Variants in CFAP61 observed in about 807,000 individuals in gnomAD.
CFAP61 encodes cilia and flagella associated protein 61.
CFAP61 carries 107 observed loss-of-function variants against 135.6 expected under a neutral mutation model. The ratio of observed to expected loss-of-function variants is 0.79; its 90% confidence interval spans 0.67 to 0.93. The LOEUF is 0.93. Among genes scored for constraint, CFAP61 ranks in the 40% least tolerant of loss-of-function variants. The probability of loss-of-function intolerance (pLI) is 0.00; values close to 1 mark genes in which losing one functional copy is unlikely to be tolerated. For missense variants in CFAP61, 1,507 were observed against 1,556.2 expected (o/e 0.97, Z 0.53); for synonymous variants, 575 against 578.5 (o/e 0.99, Z 0.09).
At chr20:20,170,839 GAAA>G (rs1343513358) in intron 13 of CFAP61, among the ~76,000 whole-genome samples, 1 of 152,208 alleles carries the variant, frequency 6.6e-6, no homozygotes, top group Non-Finnish European at 1.5e-5. Flanking sequence ...AGGATGGTGA[GAAA>G]AGCAGTCAAA....
At chr20:20,105,662 C>T (rs992192196) in intron 8 of CFAP61, among the ~76,000 whole-genome samples, 13 of 115,418 alleles carry the variant, frequency 1.1e-4, no homozygotes, top group Non-Finnish European at 1.9e-4. Context: ...GACGGAGTCT[C>T]GCTCTGTCGC....
intron 26 of CFAP61, among the ~76,000 whole-genome samples, chr20:20,345,656 C>T (rs1602119198): frequency 6.6e-6 from 1 of 152,090 alleles, no homozygotes; most frequent in African/African-American, 2.4e-5. Flanking sequence ...TGCAGTGGCT[C>T]ATGCTTGTAA....
chr20:20,193,806 G>T (rs912130234), intron 15 of CFAP61, among the ~76,000 whole-genome samples: 1 of 152,164 alleles, frequency 6.6e-6, no homozygotes, highest in East Asian at 1.9e-4. Flanking sequence ...TAGAGATGGG[G>T]TTTCACCATG....
At chr20:20,227,846 G>A (rs1026019558) in intron 17 of CFAP61, among the ~76,000 whole-genome samples, 1 of 152,182 alleles carries the variant, frequency 6.6e-6, no homozygotes, top group Non-Finnish European at 1.5e-5. Context: ...GTCACTCAAG[G>A]TTTCAGGGAA....
chr20:20,269,134 T>TACACACACACACACACAC (rs1443719059), intron 21 of CFAP61, among the ~76,000 whole-genome samples: 3 of 81,166 alleles, frequency 3.7e-5, no homozygotes, highest in African/African-American at 1.3e-4. Context: ...TATATATATA[T>TACACACACACACACACAC]ATATATATAT....
intron 7 of CFAP61, among the ~76,000 whole-genome samples, chr20:20,095,900 T>G (rs1267812429): frequency 1.3e-5 from 2 of 152,062 alleles, no homozygotes; most frequent in Non-Finnish European, 2.9e-5. Flanking sequence ...AATGAGAAAA[T>G]ACACACGTTT....
intron 9 of CFAP61, among the ~76,000 whole-genome samples, chr20:20,152,034 A>G (rs185415789): frequency 2.5e-4 from 38 of 152,242 alleles, no homozygotes; most frequent in African/African-American, 8.9e-4. Flanking sequence ...CAGAAACACT[A>G]CAAGCCAGAA....
chr20:20,141,242 C>T (rs899666762), intron 8 of CFAP61, among the ~76,000 whole-genome samples: 7 of 152,018 alleles, frequency 4.6e-5, no homozygotes, highest in Non-Finnish European at 7.4e-5. Context: ...TTTTTATAGG[C>T]GTTGGTTGTT....
intron 21 of CFAP61, among the ~76,000 whole-genome samples, chr20:20,273,701 G>A (rs1256339968): frequency 6.6e-6 from 1 of 152,226 alleles, no homozygotes; most frequent in African/African-American, 2.4e-5. Flanking sequence ...ATGATGGGTA[G>A]GGCAAACATG....
chr20:20,258,576 C>G (rs770311421), intron 20 of CFAP61: 1 of 152,070 alleles, frequency 6.6e-6, no homozygotes, highest in African/African-American at 2.4e-5. Context: ...ATATGGAGAG[C>G]GAAATTAGTC....
At chr20:20,233,451 C>A (rs1836719442) in intron 18 of CFAP61, among the ~76,000 whole-genome samples, 1 of 152,170 alleles carries the variant, frequency 6.6e-6, no homozygotes, top group African/African-American at 2.4e-5. Flanking sequence ...GGCCGTCCTC[C>A]GATGTGCCCA....
rs1569039584 is a variant in CFAP61, at chr20:20,164,051, A to G, written c.1028A>G (p.Asp343Gly). The G allele has an allele frequency of 6.2e-7, 1 of 1,606,340 alleles. No individual in the cohort carries two copies. The highest frequency in any genetic ancestry group is 8.5e-7 in the Non-Finnish European group (1 of 1,175,766). ...VQSGNVSEPE[D>G]IEKLSDISTG... The stretch of plus-strand genomic sequence containing the variant: ...GCTCCTCCTGTCTCCTTGCTCTAGG[A>G]CATAGAAAAACTCAGTGACATCTCC... The change falls in exon 11 of 27, where the codon GAC (aspartate) becomes GGC (glycine). Residue 343 changes from aspartate (D) to glycine (G), a missense_variant and splice_region_variant. By Grantham distance (94) the Asp-to-Gly change is moderately conservative (BLOSUM62 -1). Coordinates refer to ENST00000245957, the MANE Select transcript of CFAP61 (RefSeq NM_015585.4).
At chr20:20,055,514 C>T (rs1462856809) in intron 1 of CFAP61, among the ~76,000 whole-genome samples, 1 of 152,192 alleles carries the variant, frequency 6.6e-6, no homozygotes, top group Admixed American at 6.5e-5. Flanking sequence ...TCCATTCTAT[C>T]CCCAAAACCT....
At chr20:20,213,200 G>C (rs1055648940) in intron 17 of CFAP61, among the ~76,000 whole-genome samples, 7 of 152,180 alleles carry the variant, frequency 4.6e-5, no homozygotes, top group Non-Finnish European at 1.0e-4. Flanking sequence ...CACTCAGCCC[G>C]TGCAGCTTTG....
chr20:20,113,500 A>G (rs146759774), intron 8 of CFAP61, among the ~76,000 whole-genome samples: 63 of 152,296 alleles, frequency 4.1e-4, no homozygotes, highest in South Asian at 1.2e-3. Flanking sequence ...TAAATTTTAT[A>G]GTGAAGTGTT....
In CFAP61 at chr20:20,164,169, G is replaced by C. The variant is rs116315783; in HGVS notation, c.1146G>C (p.Arg382Ser). ...EEPVHFRPIY[R>S]GASAAFCIQL... is the part of the protein sequence containing the mutation. ...CCGTCCACTTCCGCCCCATCTACAG[G>C]GGAGCCTCAGCTGCTTTTTGTATTC... is the stretch of plus-strand genomic sequence containing the variant. Residue 382 changes from arginine (R) to serine (S), a missense_variant, in exon 11 of 27, where the codon AGG becomes AGC. Transcript: ENST00000245957. 3.0e-3 allele frequency: 4,804 copies of C among 1,614,040 alleles called. 17 individuals carry two copies. The highest frequency in any genetic ancestry group is 9.7e-3 in the Middle Eastern group (59 of 6,058).
chr20:20,306,897 G>A (rs1193363663), intron 25 of CFAP61, among the ~76,000 whole-genome samples: 1 of 152,236 alleles, frequency 6.6e-6, no homozygotes, highest in East Asian at 1.9e-4. Context: ...GTGCTGAAAT[G>A]TGAACCGTAC....
chr20:20,227,958 A>G (rs572976326), intron 17 of CFAP61, among the ~76,000 whole-genome samples: 1 of 152,320 alleles, frequency 6.6e-6, no homozygotes, highest in East Asian at 1.9e-4. Flanking sequence ...GTTGTCTCTA[A>G]TCATTAAGGA....
At chr20:20,128,103 G>T (rs1226088504) in intron 8 of CFAP61, among the ~76,000 whole-genome samples, 2 of 151,660 alleles carry the variant, frequency 1.3e-5, no homozygotes, top group Non-Finnish European at 2.9e-5. Flanking sequence ...GCCCCAGGCT[G>T]CCCACCTCCC....
Sources: gnomAD v4.1 joint callset for allele counts (sites outside exome capture counted in the v4.1 genomes callset) on GRCh38, gnomAD v4.1.1 for gene constraint, MANE v1.5 for transcripts, NCBI Gene and HGNC (gene_info 2026-07-23, HGNC 2026-07-21) for gene names.